Variants in ADD1 observed in about 807,000 individuals in gnomAD.
ADD1 encodes the protein adducin 1.
Under a neutral mutation model 80.5 loss-of-function variants are expected in ADD1, and 24 were observed. The observed-to-expected ratio is 0.30, with a 90% confidence interval of 0.22 to 0.42. The LOEUF is 0.42. ADD1 is among the 10% of genes least tolerant of loss of function. The pLI is 1.00. For missense variants in ADD1, 948 were observed against 1,019.0 expected (o/e 0.93, Z 0.95); for synonymous variants, 373 against 393.8 (o/e 0.95, Z 0.63).
intron 13 of ADD1, among the ~76,000 whole-genome samples, chr4:2,911,528 C>T (rs1669355688): frequency 2.7e-5 from 4 of 150,350 alleles, no homozygotes. Flanking sequence ...CCCACTGCAA[C>T]CTCCGCCTCC....
chr4:2,884,390 T>C (rs1197686314), intron 3 of ADD1, 125 bp from the exon 4 acceptor site: 3 of 600,272 alleles, frequency 5.0e-6, no homozygotes, highest in South Asian at 4.7e-5. Flanking sequence ...TCACAGCTGC[T>C]ATCATAAGCA....
Position 2,923,213 on chromosome 4 carries a change from T to C in ADD1, c.1949-2801T>C, listed in dbSNP as rs867729123. ...GAAAAAACTCCTGCAGCTAGCTCAG[T>C]GTCTGCCGAAACGGCTGCCCAGTTT... On this transcript the variant is annotated intron_variant, in intron 14 of 15. Transcript: ENST00000683351. Among the ~76,000 whole-genome samples the C allele has an allele frequency of 4.6e-5, 7 of 152,198 alleles. No individual in the cohort carries two copies. The South Asian group carries it at 6.2e-4, about 13-fold the overall frequency.
rs1712245021 is a variant in ADD1, at chr4:2,928,230, C to G, written c.2107C>G (p.Leu703Val). 3 of 1,614,158 alleles carry G rather than the reference C, an allele frequency of 1.9e-6. No individual in the cohort carries two copies. The highest frequency in any genetic ancestry group is 2.5e-6 in the Non-Finnish European group (3 of 1,180,026). ...TGATGCTGCCACCTTTAAGCCAACTCTCCCCGATCTGTCCCCTGATGAACC... is the reference window on the plus strand; with the variant it reads ...TGATGCTGCCACCTTTAAGCCAACTGTCCCCGATCTGTCCCCTGATGAACC... Reference protein sequence around the residue: ...DSDAATFKPTLPDLSPDEPSE... With the variant: ...DSDAATFKPTVPDLSPDEPSE... Residue 703 changes from leucine (L) to valine (V), a missense_variant, in exon 16 of 16, where the codon CTC (leucine) becomes GTC (valine). Physicochemically the swap from Leu to Val is conservative, Grantham distance 32 (BLOSUM62 1). Coordinates refer to ENST00000683351, the MANE Select transcript of ADD1 (RefSeq NM_001354761.2).
chr4:2,861,830 C>T (rs1464560320), intron 1 of ADD1, among the ~76,000 whole-genome samples: 1 of 152,168 alleles, frequency 6.6e-6, no homozygotes, highest in Non-Finnish European at 1.5e-5. Context: ...TCAGTGTGAT[C>T]CTTTAAGGCA....
At chr4:2,891,554 G>A (rs1734306550) in intron 4 of ADD1, among the ~76,000 whole-genome samples, 1 of 152,170 alleles carries the variant, frequency 6.6e-6, no homozygotes, top group African/African-American at 2.4e-5. Context: ...ACTGGGTGTT[G>A]TAGTTCACTA....
chr4:2,858,848 A>T (rs1031868972), intron 1 of ADD1, among the ~76,000 whole-genome samples: 10 of 152,242 alleles, frequency 6.6e-5, no homozygotes, highest in Non-Finnish European at 1.2e-4. Flanking sequence ...AAACATATTT[A>T]CTATTATGGG....
At chr4:2,864,528 T>C (rs1182556569) in intron 1 of ADD1, among the ~76,000 whole-genome samples, 1 of 152,276 alleles carries the variant, frequency 6.6e-6, no homozygotes, top group Non-Finnish European at 1.5e-5. Context: ...AACAGTGTCC[T>C]CTGTTCATTT....
chr4:2,885,761 C>T (rs1310007829), intron 4 of ADD1, among the ~76,000 whole-genome samples: 4 of 151,914 alleles, frequency 2.6e-5, no homozygotes, highest in Admixed American at 6.6e-5. Flanking sequence ...AGGCGCCCGC[C>T]ACCACGCCTG....
intron 2 of ADD1, among the ~76,000 whole-genome samples, chr4:2,877,167 C>T (rs369488147): frequency 1.4e-4 from 22 of 152,238 alleles, no homozygotes; most frequent in South Asian, 2.1e-4. Context: ...GTTGTATCTG[C>T]GTAGTTTTCT....
At position 2,926,604 on chromosome 4, in the gene ADD1, C is replaced by T; in HGVS notation, c.2047+492C>T. On this transcript the variant is annotated intron_variant, in intron 15 of 15. Coordinates refer to ENST00000683351, the MANE Select transcript of ADD1 (RefSeq NM_001354761.2). The surrounding 1 kb of genome is among the most constrained non-coding windows in gnomAD (Gnocchi z 5.0). ...TGTGACTGAATGCATAGATTCTCTCCTTGTGCTTTTTTCTCCCTGTGGCTG... is the reference window on the plus strand; with the variant it reads ...TGTGACTGAATGCATAGATTCTCTCTTTGTGCTTTTTTCTCCCTGTGGCTG... 1.2e-6 allele frequency: 2 copies of T among 1,611,820 alleles called. No individual in the cohort carries two copies. Among genetic ancestry groups the T allele is most frequent in the Non-Finnish European group, 1.7e-6 (2 of 1,178,770 alleles).
In ADD1 at chr4:2,882,038, A is replaced by C; in HGVS notation, c.336A>C (p.Gly112=). The change falls in exon 3 of 16, where the codon GGA becomes GGC. Residue 112 remains glycine (G), a synonymous_variant. Transcript: ENST00000683351. ...VPNVYPAAPQ[G]GMAALNMSLG... is the part of the protein sequence containing the mutation. ...ATGTCTACCCAGCAGCTCCGCAAGG[A>C]GGGATGGCTGCCTTAAACATGAGTG... 6.2e-7 allele frequency: 1 copy of C among 1,608,542 alleles called. No homozygotes were observed. The highest frequency in any genetic ancestry group is 8.5e-7 in the Non-Finnish European group (1 of 1,178,622).
intron 1 of ADD1, among the ~76,000 whole-genome samples, chr4:2,847,044 G>A (rs1726327593): frequency 6.6e-6 from 1 of 152,048 alleles, no homozygotes; most frequent in African/African-American, 2.4e-5. Flanking sequence ...GTGAACCCGG[G>A]AGGCGGAGCT....
Position 2,926,587 on chromosome 4 carries a change from A to C in ADD1, c.2047+475A>C. The C allele has an allele frequency of 1.9e-6, 3 of 1,599,128 alleles. No individual in the cohort carries two copies. Among genetic ancestry groups the C allele is most frequent in the Non-Finnish European group, 2.6e-6 (3 of 1,169,136 alleles). On this transcript the variant is annotated intron_variant, in intron 15 of 15. Transcript: ENST00000683351. This position sits in a 1 kb window ranked among gnomAD's most constrained non-coding sequence, Gnocchi z 5.0. ...TTCTGTAACCTGATGGCTGTGACTG[A>C]ATGCATAGATTCTCTCCTTGTGCTT...
rs190716242 is a variant in ADD1 at position 2,851,196 on chromosome 4, A to G, written c.-21+7172A>G. On this transcript the variant is annotated intron_variant, in intron 1 of 15. Coordinates refer to ENST00000683351, the MANE Select transcript of ADD1 (RefSeq NM_001354761.2). Reference sequence around the variant, plus strand: ...CCGGAATAGCTAGGACTACTGGTGCATACCACCACAGCTGGCTAATTTTTA... The same window carrying G: ...CCGGAATAGCTAGGACTACTGGTGCGTACCACCACAGCTGGCTAATTTTTA... Among the ~76,000 whole-genome samples the G allele has an allele frequency of 9.9e-4, 151 of 152,312 alleles. 1 individual carries two copies. Among genetic ancestry groups the G allele is most frequent in the Admixed American group, 3.5e-3 (54 of 15,300 alleles).
At position 2,852,199 on chromosome 4, in the gene ADD1, C is replaced by CT. The variant is rs1560138390; in HGVS notation, c.-21+8178dup. On this transcript the variant is annotated intron_variant, in intron 1 of 15. Coordinates refer to ENST00000683351, the MANE Select transcript of ADD1 (RefSeq NM_001354761.2). ...CTTTCTTTCTTTCTTTCTTTCTTTC[C>CT]TTTCTTTCCTTTCCTTTCTTTCCTT... is the stretch of plus-strand genomic sequence containing the variant. 5.5e-4 allele frequency among the ~76,000 whole-genome samples: 34 copies of CT among 61,636 alleles called. 2 individuals carry two copies. The highest frequency in any genetic ancestry group is 2.1e-3 in the African/African-American group (31 of 14,436). 40.4% of individuals were successfully genotyped at this position (61,636 alleles called of 152,430 possible).
chr4:2,928,905 G>A lies in ADD1; in HGVS notation c.*382G>A. On this transcript the variant is annotated 3_prime_UTR_variant, in exon 16 of 16. Coordinates refer to ENST00000683351, the MANE Select transcript of ADD1 (RefSeq NM_001354761.2). ...AATCACCACATTCTGTCTCTGCTTG[G>A]CTTCCCCTCCACCCTAAAGTCTCAG... 4.7e-6 allele frequency: 1 copy of A among 213,102 alleles called. No homozygotes were observed. Among genetic ancestry groups the A allele is most frequent in the Non-Finnish European group, 9.1e-6 (1 of 109,634 alleles). The allele number at this position is 213,102 out of a possible 1,614,324, so 13.2% of individuals were successfully genotyped here.
chr4:2,881,296 C>T (rs566197248), intron 2 of ADD1, among the ~76,000 whole-genome samples: 2 of 152,020 alleles, frequency 1.3e-5, no homozygotes, highest in Non-Finnish European at 2.9e-5. Flanking sequence ...CCAGGCTGGT[C>T]TCGAACTCCT....
Position 2,904,820 on chromosome 4 carries a change from A to C in ADD1, c.1218A>C (p.Lys406Asn). 1.9e-6 allele frequency: 3 copies of C among 1,614,238 alleles called. No individual in the cohort carries two copies. Among genetic ancestry groups the C allele is most frequent in the Non-Finnish European group, 2.5e-6 (3 of 1,180,044 alleles). ...RYPALREKSK[K>N]YSDVEVPASV... is the part of the protein sequence containing the mutation. ...CTGCTCTGAGAGAGAAGTCTAAAAA[A>C]TACAGCGATGTGGAGGTTCCTGCTA... is the stretch of plus-strand genomic sequence containing the variant. The change falls in exon 10 of 16, where the codon AAA becomes AAC. Residue 406 changes from lysine to asparagine, a missense_variant. Coordinates refer to ENST00000683351, the MANE Select transcript of ADD1 (RefSeq NM_001354761.2).
intron 9 of ADD1, chr4:2,900,509 C>T (rs1560216122): frequency 6.6e-6 from 1 of 152,304 alleles, no homozygotes; most frequent in African/African-American, 2.4e-5. Flanking sequence ...CAGTACTGGA[C>T]AAGTGGGCAC....
Sources: allele counts gnomAD v4.1 joint callset (sites outside exome capture counted in the v4.1 genomes callset), GRCh38; gene constraint gnomAD v4.1.1; non-coding constraint Gnocchi (gnomAD v3.1); transcripts MANE v1.5; gene names NCBI Gene and HGNC (gene_info 2026-07-23, HGNC 2026-07-21).